Variants in ZNF280D observed in about 807,000 individuals in gnomAD.
ZNF280D encodes the protein zinc finger protein 280D.
ZNF280D carries 39 observed loss-of-function variants against 94.7 expected under a neutral mutation model. That is an observed-to-expected ratio of 0.41 (90% confidence interval 0.32 to 0.54). The LOEUF (loss-of-function observed/expected upper bound fraction) is 0.54. ZNF280D is among the 20% of genes least tolerant of loss of function. ZNF280D has a pLI of 0.22. For missense variants in ZNF280D, 1,090 were observed against 1,149.3 expected (o/e 0.95, Z 0.75); for synonymous variants, 398 against 377.6 (o/e 1.05, Z -0.63).
chr15:56,724,872 GA>G (rs1354003798), intron 1 of ZNF280D: 1 of 454,496 alleles, frequency 2.2e-6, no homozygotes, highest in South Asian at 1.6e-5. Context: ...AACGTTGTCA[GA>G]TCTATTTTTT....
At chr15:56,655,005 T>C (rs1261281750) in intron 17 of ZNF280D, among the ~76,000 whole-genome samples, 1 of 152,206 alleles carries the variant, frequency 6.6e-6, no homozygotes, top group Admixed American at 6.5e-5. Context: ...CAGTTGGAGA[T>C]AAAATCAGAA....
At chr15:56,671,711 G>A (rs2054876414) in intron 13 of ZNF280D, among the ~76,000 whole-genome samples, 1 of 152,092 alleles carries the variant, frequency 6.6e-6, no homozygotes, top group African/African-American at 2.4e-5. Flanking sequence ...GTTTTGTGAA[G>A]AATGTCCATG....
At position 56,704,984 on chromosome 15, in the gene ZNF280D, T is replaced by TA. The variant is rs112852553; in HGVS notation, c.29-718dup. 1.7e-4 allele frequency among the ~76,000 whole-genome samples: 25 copies of TA among 146,534 alleles called. 1 individual carries two copies. Among genetic ancestry groups the TA allele is most frequent in the South Asian group, 8.6e-4 (4 of 4,628 alleles). On this transcript the variant is annotated intron_variant, in intron 3 of 21. Coordinates refer to ENST00000267807, the MANE Select transcript of ZNF280D (RefSeq NM_017661.4). ...GGGTGACAGATTGAGAGTATGTCTTTAAAAAAAAAAATGCCAGGCACAGAA... is the reference window on the plus strand; with the variant it reads ...GGGTGACAGATTGAGAGTATGTCTTTAAAAAAAAAAAATGCCAGGCACAGAA...
chr15:56,653,223 G>T, intron 19 of ZNF280D: 1 of 1,114,220 alleles, frequency 9.0e-7, no homozygotes, highest in Non-Finnish European at 1.1e-6. Flanking sequence ...GCTAGAGAAA[G>T]ATTTAAAGGC....
At chr15:56,677,519 A>C in intron 12 of ZNF280D, 55 bp downstream of exon 12, 1 of 1,342,786 alleles carries the variant, frequency 7.4e-7, no homozygotes, top group Non-Finnish European at 1.1e-6. Flanking sequence ...TAAATTTTAT[A>C]ACCAAAACAA....
chr15:56,710,725 T>G (rs939606539), intron 1 of ZNF280D, among the ~76,000 whole-genome samples: 1 of 152,176 alleles, frequency 6.6e-6, no homozygotes, highest in African/African-American at 2.4e-5. Context: ...AATTTTCACT[T>G]TCATCCATTG....
At chr15:56,726,099 G>C (rs1401972363) in intron 1 of ZNF280D, among the ~76,000 whole-genome samples, 2 of 151,596 alleles carry the variant, frequency 1.3e-5, no homozygotes, top group South Asian at 4.2e-4. Flanking sequence ...TTGGAAGAAA[G>C]GTTTAAGAAA....
intron 7 of ZNF280D, 28 bp downstream of exon 7, chr15:56,693,070 C>A (rs1290620256): frequency 2.2e-6 from 3 of 1,361,492 alleles, no homozygotes; most frequent in Admixed American, 3.5e-5. Context: ...CTTTCTATAA[C>A]CTTTATGAAA....
intron 17 of ZNF280D, among the ~76,000 whole-genome samples, chr15:56,656,747 A>G (rs1596371418): frequency 1.3e-5 from 2 of 152,318 alleles, no homozygotes; most frequent in East Asian, 3.8e-4. Flanking sequence ...AGACAAAAAA[A>G]CCAAACCACA....
At chr15:56,684,032 G>A (rs2055825065) in intron 9 of ZNF280D, among the ~76,000 whole-genome samples, 1 of 152,188 alleles carries the variant, frequency 6.6e-6, no homozygotes, top group Non-Finnish European at 1.5e-5. Flanking sequence ...TGCAAAAACA[G>A]GTGCAGAAGC....
At chr15:56,651,790 T>C (rs558734089) in intron 19 of ZNF280D, among the ~76,000 whole-genome samples, 46 of 152,296 alleles carry the variant, frequency 3.0e-4, no homozygotes, top group African/African-American at 1.1e-3. Context: ...GTTATTGTTT[T>C]TCCCCCCAAA....
chr15:56,654,638 A>C, intron 17 of ZNF280D, 135 bp from the exon 18 acceptor site: 1 of 710,546 alleles, frequency 1.4e-6, no homozygotes, highest in Non-Finnish European at 2.3e-6. Context: ...TATAAATTTG[A>C]CATAAACTGA....
chr15:56,639,973 TA>T (rs2052546661), intron 20 of ZNF280D, among the ~76,000 whole-genome samples: 1 of 152,072 alleles, frequency 6.6e-6, no homozygotes. Context: ...ATTTTTTTTT[TA>T]TGTGTGTGAA....
chr15:56,666,568 T>A, intron 15 of ZNF280D, 33 bp from the exon 16 acceptor site: 15 of 1,547,510 alleles, frequency 9.7e-6, no homozygotes, highest in Non-Finnish European at 1.1e-5. Context: ...GATAAAAATA[T>A]ATTTTAAAAC....
intron 6 of ZNF280D, among the ~76,000 whole-genome samples, chr15:56,695,453 A>G (rs1037953230): frequency 6.6e-6 from 1 of 152,216 alleles, no homozygotes; most frequent in Non-Finnish European, 1.5e-5. Flanking sequence ...AAAATTAGTT[A>G]TAACAGAAAA....
chr15:56,660,915 G>C (rs2053896984), intron 16 of ZNF280D, among the ~76,000 whole-genome samples: 1 of 151,724 alleles, frequency 6.6e-6, no homozygotes, highest in South Asian at 2.1e-4. Flanking sequence ...CATTAGACTA[G>C]AGGCCGATGA....
At chr15:56,730,921 G>C (rs938055329) in intron 1 of ZNF280D, among the ~76,000 whole-genome samples, 1 of 152,190 alleles carries the variant, frequency 6.6e-6, no homozygotes, top group Non-Finnish European at 1.5e-5. Context: ...ACAATGGAAA[G>C]ATAGCTTGTC....
At chr15:56,666,369 C>A in intron 16 of ZNF280D, 26 bp downstream of exon 16, 1 of 1,595,686 alleles carries the variant, frequency 6.3e-7, no homozygotes, top group Non-Finnish European at 8.5e-7. Context: ...TTTTAATTGG[C>A]AATTTACACA....
intron 1 of ZNF280D, among the ~76,000 whole-genome samples, chr15:56,721,686 T>C (rs1375052244): frequency 5.9e-5 from 9 of 152,220 alleles, no homozygotes; most frequent in South Asian, 2.1e-4. Context: ...ACAGCCTTCA[T>C]AGATCTGAAG....
Sources: allele counts gnomAD v4.1 joint callset (sites outside exome capture counted in the v4.1 genomes callset), GRCh38; gene constraint gnomAD v4.1.1; transcripts MANE v1.5; gene names NCBI Gene and HGNC (gene_info 2026-07-23, HGNC 2026-07-21).